The following MYO1H variants were observed in gnomAD, a reference collection of about 807,000 sequenced individuals.
MYO1H encodes myosin IH.
MYO1H carries 118 observed loss-of-function variants against 149.3 expected under a neutral mutation model. That is an observed-to-expected ratio of 0.79 (90% CI 0.68 to 0.92). MYO1H has a LOEUF of 0.92. Among genes scored for constraint, MYO1H ranks in the 40% least tolerant of loss-of-function variants. The pLI is 0.00. For synonymous variants in MYO1H, 447 were observed against 465.2 expected, an observed-to-expected ratio of 0.96 and a Z score of 0.50; for missense variants, 1,212 against 1,280.7, an observed-to-expected ratio of 0.95 and a Z score of 0.82.
upstream of MYO1H, among the ~76,000 whole-genome samples, chr12:109,347,706 CGT>C (rs1191631361): frequency 6.6e-6 from 1 of 151,764 alleles, no homozygotes; most frequent in Non-Finnish European, 1.5e-5. Flanking sequence ...GTGTCTGTAA[CGT>C]AAACTCAAGG....
At chr12:109,376,434 T>G (rs1386196534) in intron 1 of MYO1H, among the ~76,000 whole-genome samples, 1 of 152,234 alleles carries the variant, frequency 6.6e-6, no homozygotes, top group African/African-American at 2.4e-5. Flanking sequence ...TCCTTTCTTT[T>G]TGTTGCCACA....
At chr12:109,433,122 G>T in intron 20 of MYO1H, 112 bp downstream of exon 20, 1 of 825,544 alleles carries the variant, frequency 1.2e-6, no homozygotes, top group Non-Finnish European at 2.0e-6. Flanking sequence ...GATTTATGGA[G>T]ATTTGCGAGA....
In MYO1H at chr12:109,407,706, AT is replaced by A. The variant is rs200288707; in HGVS notation, c.1036-78del. On this transcript the variant is annotated intron_variant, in intron 9 of 31. Transcript: ENST00000310903. ...GAGCGAGACCCTGTCTCATTATTTT[AT>A]TTTTTTTTTAAGAAAAAAGACTTCT... The A allele has an allele frequency of 6.5e-3, 8,035 of 1,239,892 alleles. 9 individuals carry two copies. Among genetic ancestry groups the A allele is most frequent in the Non-Finnish European group, 7.3e-3 (6,745 of 929,460 alleles). 76.8% of individuals were successfully genotyped at this position (1,239,892 alleles called of 1,614,324 possible). A position where few individuals can be genotyped will look rare whatever the true frequency, so the allele number is the denominator to read the frequency against.
intron 17 of MYO1H, among the ~76,000 whole-genome samples, chr12:109,425,691 G>A (rs1247441862): frequency 6.6e-6 from 1 of 152,192 alleles, no homozygotes; most frequent in Non-Finnish European, 1.5e-5. Context: ...CACTCACCAC[G>A]TCTTTGCTGA....
At chr12:109,326,393 C>CT in the MYO1H span, among the ~76,000 whole-genome samples, 1 of 152,144 alleles carries the variant, frequency 6.6e-6, no homozygotes, top group Non-Finnish European at 1.5e-5. Context: ...GAGGAAGGAA[C>CT]TCTTCATCCA....
chr12:109,444,506 C>G, exon 30 of MYO1H: 2 of 1,613,846 alleles, frequency 1.2e-6, no homozygotes, highest in South Asian at 2.2e-5. Context: ...AGAAGGAGAA[C>G]ATTGTCAATG....
chr12:109,426,967 C>G (rs1427465813), intron 18 of MYO1H, among the ~76,000 whole-genome samples: 2 of 152,130 alleles, frequency 1.3e-5, no homozygotes, highest in Non-Finnish European at 2.9e-5. Flanking sequence ...GATCTCAGGA[C>G]TTTTCAGAGG....
exon 32 of MYO1H, chr12:109,447,349 C>A: frequency 1.5e-6 from 1 of 682,370 alleles, no homozygotes; most frequent in Non-Finnish European, 2.7e-6. Context: ...AAGCCTAATC[C>A]CAGCTCCTCA....
intron 2 of MYO1H, among the ~76,000 whole-genome samples, chr12:109,391,581 C>T (rs562878990): frequency 1.5e-4 from 23 of 152,090 alleles, no homozygotes; most frequent in Non-Finnish European, 3.1e-4. Flanking sequence ...ATTTATATTT[C>T]TTTGGGATTG....
chr12:109,378,707 G>A (rs949740408), intron 1 of MYO1H, among the ~76,000 whole-genome samples: 3 of 152,008 alleles, frequency 2.0e-5, no homozygotes, highest in Non-Finnish European at 4.4e-5. Context: ...ATTTTCCCTG[G>A]TGAGGGCCTC....
the MYO1H span, among the ~76,000 whole-genome samples, chr12:109,327,255 C>A: frequency 6.6e-6 from 1 of 151,058 alleles, no homozygotes; most frequent in South Asian, 2.1e-4. Context: ...CCTCAGCCTC[C>A]AAAGTAGCTG....
At chr12:109,440,697 A>T in intron 24 of MYO1H, 47 bp from the exon 25 acceptor site, 4 of 1,384,498 alleles carry the variant, frequency 2.9e-6, no homozygotes, top group Admixed American at 3.9e-5. Context: ...ACAGCCCCAG[A>T]CAGGGAGTGA....
chr12:109,409,423 A>C, intron 10 of MYO1H, 134 bp from the exon 11 acceptor site: 1 of 802,904 alleles, frequency 1.2e-6, no homozygotes, highest in Non-Finnish European at 2.2e-6. Context: ...CTTCCACCCA[A>C]AGATTTTCCG....
chr12:109,385,290 C>CT (rs1555249650), intron 1 of MYO1H, among the ~76,000 whole-genome samples: 8 of 142,002 alleles, frequency 5.6e-5, no homozygotes, highest in Non-Finnish European at 9.4e-5. Context: ...TTTTTTCTTT[C>CT]TTTCTTTTCT....
At chr12:109,407,005 C>T (rs1870425763) in intron 9 of MYO1H, 145 bp downstream of exon 9, 2 of 659,534 alleles carry the variant, frequency 3.0e-6, no homozygotes, top group East Asian at 2.7e-5. Flanking sequence ...TGTGGAGTGT[C>T]CTGCCTCATC....
exon 31 of MYO1H, chr12:109,445,549 A>G: frequency 6.2e-7 from 1 of 1,612,928 alleles, no homozygotes; most frequent in South Asian, 1.1e-5. Context: ...AAGAAGGCAC[A>G]ATAGTTTTCG....
intron 9 of MYO1H, 128 bp from the exon 10 acceptor site, chr12:109,407,666 C>CCA (rs1870453994): frequency 1.1e-6 from 1 of 936,416 alleles, no homozygotes; most frequent in Non-Finnish European, 1.5e-6. Flanking sequence ...CTACTGCATT[C>CCA]CAGGCTGGGC....
chr12:109,412,177 A>T (rs1327939458), intron 14 of MYO1H, among the ~76,000 whole-genome samples, 192 bp downstream of exon 14: 1 of 151,958 alleles, frequency 6.6e-6, no homozygotes, highest in African/African-American at 2.4e-5. Flanking sequence ...TTTTTTTTTG[A>T]GACATGGTCT....
intron 20 of MYO1H, among the ~76,000 whole-genome samples, chr12:109,434,371 G>A (rs1386473744): frequency 6.7e-6 from 1 of 149,826 alleles, no homozygotes; most frequent in Non-Finnish European, 1.5e-5. Context: ...GCTGGTGCCT[G>A]TAATCCCAGC....
Sources: gnomAD v4.1 joint callset for allele counts (sites outside exome capture counted in the v4.1 genomes callset) on GRCh38, gnomAD v4.1.1 for gene constraint, MANE v1.5 for transcripts, NCBI Gene and HGNC (gene_info 2026-07-23, HGNC 2026-07-21) for gene names.